The following SYNE1 variants were observed in gnomAD, a reference collection of about 807,000 sequenced individuals.
SYNE1 encodes the protein spectrin repeat containing nuclear envelope protein 1, also known as nesprin-1.
Under a neutral mutation model 1,111.0 loss-of-function variants are expected in SYNE1, and 616 were observed. That is an observed-to-expected ratio of 0.55 (90% confidence interval 0.52 to 0.59). SYNE1 has a LOEUF of 0.59. Ranked by LOEUF, SYNE1 falls within the 20% of genes least tolerant of loss-of-function variation. The pLI is 0.00. For missense variants in SYNE1, 10,006 were observed against 10,417.0 expected (o/e 0.96, Z 1.72); for synonymous variants, 3,855 against 3,825.8 (o/e 1.01, Z -0.28).
At chr6:152,465,752 C>T (rs112548561) in intron 17 of SYNE1, among the ~76,000 whole-genome samples, 82 of 136,020 alleles carry the variant, frequency 6.0e-4, no homozygotes, top group African/African-American at 2.0e-3. Flanking sequence ...TTTGTTCTCT[C>T]TTAGAAGAAC....
chr6:152,303,897 G>T (rs1268982554), intron 91 of SYNE1, among the ~76,000 whole-genome samples: 1 of 144,614 alleles, frequency 6.9e-6, no homozygotes, highest in Non-Finnish European at 1.5e-5. Flanking sequence ...AAACACGTGT[G>T]CACATGCACA....
chr6:152,164,490 T>C (rs960420564), intron 130 of SYNE1, among the ~76,000 whole-genome samples, 165 bp from the exon 131 acceptor site: 1 of 152,128 alleles, frequency 6.6e-6, no homozygotes, highest in Admixed American at 6.5e-5. Context: ...AAATTAGAGA[T>C]GAATACAGAC....
At chr6:152,506,221 A>G (rs2099057586) in intron 8 of SYNE1, among the ~76,000 whole-genome samples, 1 of 152,162 alleles carries the variant, frequency 6.6e-6, no homozygotes, top group Admixed American at 6.5e-5. Context: ...TTTTTTTCCT[A>G]CATGTAACTT....
intron 112 of SYNE1, 56 bp downstream of exon 112, chr6:152,233,725 C>A (rs62428339): frequency 1.2e-6 from 2 of 1,603,540 alleles, no homozygotes; most frequent in Non-Finnish European, 1.7e-6. Flanking sequence ...TAATGTATTT[C>A]TCCATGTCAA....
intron 111 of SYNE1, 76 bp from the exon 112 acceptor site, chr6:152,234,039 G>T: frequency 1.4e-6 from 2 of 1,459,344 alleles, no homozygotes; most frequent in Non-Finnish European, 1.9e-6. Flanking sequence ...CCAATTTAGT[G>T]CATGAAACAA....
intron 6 of SYNE1, among the ~76,000 whole-genome samples, chr6:152,517,135 T>C (rs2099116328): frequency 6.6e-6 from 1 of 152,210 alleles, no homozygotes; most frequent in African/African-American, 2.4e-5. Context: ...TACCAACTTA[T>C]CAACAATGTA....
At chr6:152,258,281 A>G (rs182668950) in intron 101 of SYNE1, among the ~76,000 whole-genome samples, 1 of 152,332 alleles carries the variant, frequency 6.6e-6, no homozygotes, top group Non-Finnish European at 1.5e-5. Flanking sequence ...TTAAAAATTT[A>G]GGAATTAAAA....
chr6:152,626,820 A>T (rs1184098133), intron 3 of SYNE1, among the ~76,000 whole-genome samples: 4 of 152,208 alleles, frequency 2.6e-5, no homozygotes, highest in African/African-American at 9.6e-5. Context: ...AGTTCCACCA[A>T]TATCCTGATT....
intron 11 of SYNE1, among the ~76,000 whole-genome samples, chr6:152,497,011 T>A (rs1052935083): frequency 6.6e-6 from 1 of 151,958 alleles, no homozygotes; most frequent in Non-Finnish European, 1.5e-5. Context: ...TTGACTGTAA[T>A]TTTCCACTAC....
intron 140 of SYNE1, 71 bp downstream of exon 140, chr6:152,139,879 G>T: frequency 6.5e-7 from 1 of 1,531,902 alleles, no homozygotes; most frequent in South Asian, 1.1e-5. Context: ...CGAACTAGAG[G>T]TGCCATCTGC....
At chr6:152,603,872 C>CA (rs2099603089) in intron 3 of SYNE1, among the ~76,000 whole-genome samples, 1 of 140,378 alleles carries the variant, frequency 7.1e-6, no homozygotes, top group Non-Finnish European at 1.5e-5. Context: ...GATAGATATA[C>CA]TATCTATCTA....
intron 106 of SYNE1, among the ~76,000 whole-genome samples, chr6:152,243,987 AG>A (rs1328524406): frequency 2.2e-4 from 33 of 152,362 alleles, no homozygotes; most frequent in African/African-American, 7.9e-4. Context: ...GAAGGATGAT[AG>A]GAAGTCTGTT....
chr6:152,398,222 T>C (rs1225105976), intron 49 of SYNE1, among the ~76,000 whole-genome samples: 1 of 152,104 alleles, frequency 6.6e-6, no homozygotes, highest in Non-Finnish European at 1.5e-5. Flanking sequence ...AGTTTGAATA[T>C]CTCCTATCTC....
At chr6:152,137,167 T>C (rs988864863) in intron 140 of SYNE1, among the ~76,000 whole-genome samples, 4 of 152,096 alleles carry the variant, frequency 2.6e-5, no homozygotes, top group African/African-American at 9.7e-5. Flanking sequence ...TATTTCAGAA[T>C]AGCTACCATT....
At chr6:152,540,983 C>T (rs1322998101) in intron 3 of SYNE1, among the ~76,000 whole-genome samples, 1 of 152,188 alleles carries the variant, frequency 6.6e-6, no homozygotes, top group Non-Finnish European at 1.5e-5. Context: ...AGACCCTGAA[C>T]AGATAATGCA....
chr6:152,256,781 G>C lies in SYNE1; in HGVS notation c.18973-16C>G. ...TGCTATAAAGCTGTAGGCAAACAAAGGCAGCTTGTTGAAGAGCATATGCAT... is the reference window on the plus strand; with the variant it reads ...TGCTATAAAGCTGTAGGCAAACAAACGCAGCTTGTTGAAGAGCATATGCAT... On this transcript the variant is annotated splice_polypyrimidine_tract_variant and intron_variant, in intron 101 of 145. Coordinates refer to ENST00000367255, the MANE Select transcript of SYNE1 (RefSeq NM_182961.4). The C allele has an allele frequency of 6.2e-7, 1 of 1,612,850 alleles. No homozygotes were observed. The highest frequency in any genetic ancestry group is 8.5e-7 in the Non-Finnish European group (1 of 1,179,238).
At chr6:152,309,754 G>A in intron 90 of SYNE1, 81 bp downstream of exon 90, 1 of 1,570,492 alleles carries the variant, frequency 6.4e-7, no homozygotes, top group South Asian at 1.1e-5. Context: ...GTGTTTTGAT[G>A]GCTGAGCCCA....
intron 41 of SYNE1, among the ~76,000 whole-genome samples, chr6:152,414,945 A>G (rs962251190): frequency 6.6e-6 from 1 of 152,216 alleles, no homozygotes; most frequent in African/African-American, 2.4e-5. Context: ...TATAAAGGGT[A>G]TAACCTCAGG....
At chr6:152,464,047 G>C (rs1280273254) in intron 18 of SYNE1, among the ~76,000 whole-genome samples, 1 of 152,002 alleles carries the variant, frequency 6.6e-6, no homozygotes, top group Non-Finnish European at 1.5e-5. Flanking sequence ...TGCTACTTTT[G>C]ATTTTTAAAT....
Sources: gnomAD v4.1 joint callset for allele counts (sites outside exome capture counted in the v4.1 genomes callset) on GRCh38, gnomAD v4.1.1 for gene constraint, MANE v1.5 for transcripts, NCBI Gene and HGNC (gene_info 2026-07-23, HGNC 2026-07-21) for gene names.